Variants in PTPRG observed in about 807,000 individuals in gnomAD.
PTPRG encodes the protein receptor-type tyrosine-protein phosphatase gamma.
PTPRG carries 102 observed loss-of-function variants against 165.3 expected under a neutral mutation model. That is an observed-to-expected ratio of 0.62 (90% CI 0.53 to 0.73). The LOEUF is 0.73. Among genes scored for constraint, PTPRG ranks in the 30% least tolerant of loss-of-function variants. PTPRG has a pLI of 0.00. For synonymous variants in PTPRG, 675 were observed against 669.5 expected (o/e 1.01, Z -0.13); for missense variants, 1,866 against 1,861.4 (o/e 1.00, Z -0.05).
intron 2 of PTPRG, among the ~76,000 whole-genome samples, chr3:61,850,167 T>C (rs1204029267): frequency 6.6e-6 from 1 of 152,154 alleles, no homozygotes; most frequent in Admixed American, 6.5e-5. Context: ...TATTTATTTT[T>C]ATTTTTTATT....
chr3:61,982,694 C>T (rs1341810368), intron 2 of PTPRG, among the ~76,000 whole-genome samples: 1 of 152,226 alleles, frequency 6.6e-6, no homozygotes, highest in East Asian at 1.9e-4. Flanking sequence ...CCTCCTTTTC[C>T]AGAACAGTAA....
At chr3:61,846,402 TG>T (rs1400538989) in intron 2 of PTPRG, among the ~76,000 whole-genome samples, 1 of 152,130 alleles carries the variant, frequency 6.6e-6, no homozygotes, top group Non-Finnish European at 1.5e-5. Flanking sequence ...AAACAGCCAC[TG>T]GGGCAGCTCA....
At chr3:61,901,890 T>C (rs546562834) in intron 2 of PTPRG, among the ~76,000 whole-genome samples, 2 of 152,354 alleles carry the variant, frequency 1.3e-5, no homozygotes, top group South Asian at 2.1e-4. Context: ...GAAACCTCTT[T>C]AATAAAAAGG....
intron 1 of PTPRG, among the ~76,000 whole-genome samples, chr3:61,743,417 T>G (rs1460205041): frequency 6.6e-6 from 1 of 152,194 alleles, no homozygotes; most frequent in Non-Finnish European, 1.5e-5. Context: ...GTCACTGTAT[T>G]CTTCCTTTCT....
chr3:61,815,245 A>C (rs1208751624), intron 2 of PTPRG, among the ~76,000 whole-genome samples: 1 of 102,524 alleles, frequency 9.8e-6, no homozygotes, highest in Admixed American at 9.2e-5. Flanking sequence ...AAAAATACAA[A>C]AAAAAAAAAA....
At position 62,267,456 on chromosome 3, in the gene PTPRG, T is replaced by A. The variant is rs370108297; in HGVS notation, c.2703T>A (p.Ser901=). ...TAAGACCTTTACCAGGAAAAGACTCTAAGCACAGCGACTACATTAATGCAA... is the reference window on the plus strand; with the variant it reads ...TAAGACCTTTACCAGGAAAAGACTCAAAGCACAGCGACTACATTAATGCAA... ...VKLRPLPGKD[S]KHSDYINANY... The change falls in exon 18 of 30, where the codon TCT becomes TCA. Residue 901 remains serine (S), a synonymous_variant. Coordinates refer to ENST00000474889, the MANE Select transcript of PTPRG (RefSeq NM_002841.4). 11 of 1,612,316 alleles carry A rather than the reference T, an allele frequency of 6.8e-6. No homozygotes were observed. The highest frequency in any genetic ancestry group is 2.2e-5 in the East Asian group (1 of 44,834).
chr3:61,665,609 G>T (rs1354955665), intron 1 of PTPRG, among the ~76,000 whole-genome samples: 1 of 25,500 alleles, frequency 3.9e-5, no homozygotes, highest in East Asian at 7.8e-4. Flanking sequence ...AAGATCATTA[G>T]ATTGCTGGAG....
At chr3:61,920,854 G>A (rs906799504) in intron 2 of PTPRG, among the ~76,000 whole-genome samples, 2 of 151,952 alleles carry the variant, frequency 1.3e-5, no homozygotes, top group African/African-American at 4.8e-5. Context: ...TTAAAGAATT[G>A]GAAATACTTA....
At chr3:61,790,901 T>C (rs531324328) in intron 2 of PTPRG, among the ~76,000 whole-genome samples, 1 of 152,310 alleles carries the variant, frequency 6.6e-6, no homozygotes, top group East Asian at 1.9e-4. Flanking sequence ...TGAATATCAA[T>C]AAGATTAAAG....
chr3:62,056,147 A>T (rs1700627284), intron 4 of PTPRG, among the ~76,000 whole-genome samples: 1 of 152,220 alleles, frequency 6.6e-6, no homozygotes, highest in Admixed American at 6.5e-5. Flanking sequence ...TGAGTAGGCA[A>T]ATATCAGGAT....
At chr3:62,128,836 T>C (rs1703409811) in intron 5 of PTPRG, among the ~76,000 whole-genome samples, 1 of 151,598 alleles carries the variant, frequency 6.6e-6, no homozygotes, top group African/African-American at 2.4e-5. Context: ...TGAATTTTTT[T>C]TTAAGTGGCA....
intron 4 of PTPRG, among the ~76,000 whole-genome samples, chr3:62,022,513 G>A (rs1195757391): frequency 6.6e-6 from 1 of 152,182 alleles, no homozygotes; most frequent in Non-Finnish European, 1.5e-5. Context: ...TTCAATTTAA[G>A]TAGATTACGG....
chr3:61,649,772 T>C (rs960902537), intron 1 of PTPRG, among the ~76,000 whole-genome samples: 3 of 152,238 alleles, frequency 2.0e-5, no homozygotes, highest in Non-Finnish European at 4.4e-5. Context: ...GGTTGTCGTA[T>C]AGATGCACAG....
intron 1 of PTPRG, among the ~76,000 whole-genome samples, chr3:61,736,836 A>T (rs1424674715): frequency 6.6e-6 from 1 of 152,206 alleles, no homozygotes; most frequent in Non-Finnish European, 1.5e-5. Context: ...CTAAAATTAG[A>T]TTACAGCAAT....
chr3:62,256,585 G>A (rs1019445268), intron 16 of PTPRG, among the ~76,000 whole-genome samples: 1 of 152,216 alleles, frequency 6.6e-6, no homozygotes, highest in Non-Finnish European at 1.5e-5. Flanking sequence ...CATGAGGACA[G>A]CAAATGTGTG....
chr3:61,991,781 T>A (rs1448682132), intron 3 of PTPRG, among the ~76,000 whole-genome samples: 9 of 152,220 alleles, frequency 5.9e-5, no homozygotes, highest in Non-Finnish European at 8.8e-5. Context: ...TGATACGGTT[T>A]TCTACTTGAC....
chr3:62,101,258 G>A (rs1008663122), intron 5 of PTPRG, among the ~76,000 whole-genome samples: 1 of 152,068 alleles, frequency 6.6e-6, no homozygotes, highest in African/African-American at 2.4e-5. Flanking sequence ...CAATTCTATT[G>A]CATCACGAGA....
chr3:61,712,685 G>C (rs1263489311), intron 1 of PTPRG, among the ~76,000 whole-genome samples: 1 of 152,164 alleles, frequency 6.6e-6, no homozygotes, highest in Non-Finnish European at 1.5e-5. Flanking sequence ...GTGCGGTACT[G>C]AGTCAATTAA....
chr3:61,804,905 A>C (rs995024936), intron 2 of PTPRG, among the ~76,000 whole-genome samples: 3 of 152,132 alleles, frequency 2.0e-5, no homozygotes, highest in African/African-American at 7.2e-5. Context: ...TTGCAGACAC[A>C]GGCATTTTCC....
Sources: gnomAD v4.1 joint callset for allele counts (sites outside exome capture counted in the v4.1 genomes callset) on GRCh38, gnomAD v4.1.1 for gene constraint, MANE v1.5 for transcripts, NCBI Gene and HGNC (gene_info 2026-07-23, HGNC 2026-07-21) for gene names.